The following CCDC112 variants were observed in gnomAD, a reference collection of about 807,000 sequenced individuals.
CCDC112 encodes coiled-coil domain containing 112.
CCDC112 carries 40 observed loss-of-function variants against 66.3 expected under a neutral mutation model. The ratio of observed to expected loss-of-function variants is 0.60; its 90% CI spans 0.47 to 0.79. The LOEUF is 0.79. Ranked by LOEUF, CCDC112 falls within the 30% of genes least tolerant of loss-of-function variation. CCDC112 has a pLI of 0.00. For missense variants in CCDC112, 659 were observed against 603.8 expected, an observed-to-expected ratio of 1.09 and a Z score of -0.96; for synonymous variants, 214 against 197.2, an observed-to-expected ratio of 1.09 and a Z score of -0.71.
Position 115,295,211 on chromosome 5 carries a change from CA to C in CCDC112, c.117+1215del, listed in dbSNP as rs150397221. Among the ~76,000 whole-genome samples the C allele has an allele frequency of 1.8e-4, 27 of 152,204 alleles. 1 individual carries two copies. The East Asian group carries it at 5.2e-3, about 29-fold the overall frequency. On this transcript the variant is annotated intron_variant, in intron 1 of 9. Coordinates refer to ENST00000379611, the MANE Select transcript of CCDC112 (RefSeq NM_001040440.3). The stretch of plus-strand genomic sequence containing the variant: ...TGATCTGATCCAACCCCTGAGAAGG[CA>C]AACATCACAAAAGTGTGCATCAATA...
intron 2 of CCDC112, among the ~76,000 whole-genome samples, chr5:115,282,010 A>G (rs1482370638): frequency 6.6e-6 from 1 of 152,178 alleles, no homozygotes; most frequent in Non-Finnish European, 1.5e-5. Context: ...TATCCTGAAG[A>G]TATACTTACA....
chr5:115,270,989 T>A (rs1197994345), intron 7 of CCDC112, among the ~76,000 whole-genome samples: 1 of 152,060 alleles, frequency 6.6e-6, no homozygotes, highest in Non-Finnish European at 1.5e-5. Context: ...CATACCTCAA[T>A]CACCACACTC....
intron 2 of CCDC112, among the ~76,000 whole-genome samples, chr5:115,283,537 T>C (rs933102069): frequency 2.0e-5 from 3 of 152,174 alleles, no homozygotes; most frequent in African/African-American, 7.2e-5. Context: ...ATTGTGGTAA[T>C]CATTCTGCAA....
At chr5:115,292,511 C>T (rs1293887028) in intron 1 of CCDC112, among the ~76,000 whole-genome samples, 1 of 152,120 alleles carries the variant, frequency 6.6e-6, no homozygotes. Flanking sequence ...GAGACAGTTC[C>T]TTTTTACTGT....
At chr5:115,272,305 A>G (rs1354191677) in intron 6 of CCDC112, among the ~76,000 whole-genome samples, 1 of 152,178 alleles carries the variant, frequency 6.6e-6, no homozygotes, top group Non-Finnish European at 1.5e-5. Context: ...TTCTAGGCTT[A>G]GAATACTTTC....
intron 2 of CCDC112, among the ~76,000 whole-genome samples, chr5:115,283,892 T>C (rs1354840465): frequency 6.6e-6 from 1 of 152,092 alleles, no homozygotes; most frequent in Non-Finnish European, 1.5e-5. Flanking sequence ...GTGCCTTGAG[T>C]TCTAATTCTT....
intron 1 of CCDC112, among the ~76,000 whole-genome samples, chr5:115,294,873 T>C (rs1750082269): frequency 6.6e-6 from 1 of 152,178 alleles, no homozygotes; most frequent in Admixed American, 6.5e-5. Context: ...TTGTTTTGTT[T>C]TGTTTTTTTA....
At chr5:115,280,105 C>T (rs1301396252) in intron 2 of CCDC112, among the ~76,000 whole-genome samples, 1 of 152,192 alleles carries the variant, frequency 6.6e-6, no homozygotes, top group East Asian at 1.9e-4. Flanking sequence ...ATGGCCATCA[C>T]TGCTGATGAC....
chr5:115,288,655 C>T (rs1333717388), intron 1 of CCDC112, among the ~76,000 whole-genome samples: 1 of 152,128 alleles, frequency 6.6e-6, no homozygotes, highest in Non-Finnish European at 1.5e-5. Context: ...TCCATATCGC[C>T]ATTTAGTACA....
chr5:115,269,827 A>G, intron 7 of CCDC112, 29 bp from the exon 8 acceptor site: 1 of 1,369,306 alleles, frequency 7.3e-7, no homozygotes, highest in Non-Finnish European at 9.9e-7. Context: ...TAGCATTAAG[A>G]AAGCATGTGA....
intron 1 of CCDC112, among the ~76,000 whole-genome samples, chr5:115,287,847 TTTTTTCTTTTA>T (rs1467675372): frequency 6.6e-6 from 1 of 151,904 alleles, no homozygotes; most frequent in East Asian, 1.9e-4. Flanking sequence ...TCCAATCTGC[TTTTTTCTTTTA>T]TTTTTCTTTT....
chr5:115,290,328 T>C (rs927365303), intron 1 of CCDC112, among the ~76,000 whole-genome samples: 10 of 152,248 alleles, frequency 6.6e-5, no homozygotes, highest in African/African-American at 2.2e-4. Context: ...CATTGATCTA[T>C]ATGTCTATTG....
chr5:115,292,937 G>C (rs1445865776), intron 1 of CCDC112, among the ~76,000 whole-genome samples: 1 of 152,232 alleles, frequency 6.6e-6, no homozygotes, highest in Non-Finnish European at 1.5e-5. Flanking sequence ...TGAGGACTGA[G>C]AGCTTCTTAG....
At chr5:115,268,149 C>A (rs563033519) in intron 9 of CCDC112, among the ~76,000 whole-genome samples, 85 of 152,168 alleles carry the variant, frequency 5.6e-4, no homozygotes, top group African/African-American at 2.0e-3. Context: ...ATTAATCTAT[C>A]GATCTTTCAT....
intron 1 of CCDC112, among the ~76,000 whole-genome samples, chr5:115,288,468 A>G (rs1749780975): frequency 6.6e-6 from 1 of 152,184 alleles, no homozygotes; most frequent in Admixed American, 6.5e-5. Context: ...ACACACTAAC[A>G]ATGTTATTAG....
At chr5:115,279,538 C>T (rs1749356913) in intron 3 of CCDC112, 109 bp downstream of exon 3, 3 of 1,129,206 alleles carry the variant, frequency 2.7e-6, no homozygotes, top group Non-Finnish European at 3.9e-6. Flanking sequence ...AGAGAACTGA[C>T]TCTATTGATA....
At chr5:115,292,595 T>C (rs1749981672) in intron 1 of CCDC112, among the ~76,000 whole-genome samples, 1 of 152,232 alleles carries the variant, frequency 6.6e-6, no homozygotes, top group African/African-American at 2.4e-5. Flanking sequence ...TAAAATAATA[T>C]AATGGACAAC....
rs1019630657 is a variant in CCDC112, at chr5:115,281,389, C to T, written c.240-1621G>A. On this transcript the variant is annotated intron_variant, in intron 2 of 9. Transcript: ENST00000379611. ...GTAGACAGATGAGACTGCCCCAGAG[C>T]CCACCACACTTCTCCAGAGGCTGAG... Among the ~76,000 whole-genome samples the T allele has an allele frequency of 3.3e-5, 5 of 152,246 alleles. No homozygotes were observed. The East Asian group carries it at 9.6e-4, about 29-fold the overall frequency.
At chr5:115,285,339 G>A (rs1290854021) in intron 1 of CCDC112, among the ~76,000 whole-genome samples, 1 of 152,132 alleles carries the variant, frequency 6.6e-6, no homozygotes, top group Non-Finnish European at 1.5e-5. Flanking sequence ...TCCACCAGCT[G>A]CAATAAATGC....
Sources: gnomAD v4.1 joint callset for allele counts (sites outside exome capture counted in the v4.1 genomes callset) on GRCh38, gnomAD v4.1.1 for gene constraint, MANE v1.5 for transcripts, NCBI Gene and HGNC (gene_info 2026-07-23, HGNC 2026-07-21) for gene names.